FHIT: variants seen among roughly 807,000 people sequenced by gnomAD.
FHIT encodes bis(5'-adenosyl)-triphosphatase.
In FHIT, 19 loss-of-function variants were observed where a neutral mutation model predicts 17.9. That is an observed-to-expected ratio of 1.06 (90% CI 0.74 to 1.56). The LOEUF (loss-of-function observed/expected upper bound fraction) is 1.56. Among genes scored for constraint, FHIT ranks in the 40% most tolerant of loss-of-function variants. FHIT has a pLI of 0.00. For missense variants in FHIT, 248 were observed against 189.2 expected (o/e 1.31, Z -1.82); for synonymous variants, 81 against 69.7 (o/e 1.16, Z -0.81).
chr3:60,682,041 A>C (rs575737279), intron 4 of FHIT, among the ~76,000 whole-genome samples: 108 of 150,616 alleles, frequency 7.2e-4, no homozygotes, highest in Non-Finnish European at 1.4e-3. Context: ...GTGCGATCTC[A>C]GCTCACTGCA....
intron 7 of FHIT, among the ~76,000 whole-genome samples, chr3:59,986,710 A>ATATATAAATATATTTATATAAT (rs1491191610): frequency 4.3e-5 from 1 of 23,064 alleles, no homozygotes; most frequent in Non-Finnish European, 6.2e-5. Context: ...ATTTATATAA[A>ATATATAAATATATTTATATAAT]TATATACATA....
At chr3:61,203,261 A>C (rs2039090217) in intron 1 of FHIT, among the ~76,000 whole-genome samples, 1 of 151,896 alleles carries the variant, frequency 6.6e-6, no homozygotes, top group Non-Finnish European at 1.5e-5. Flanking sequence ...AGGCAGGAGA[A>C]TAGCTTGAAC....
chr3:60,629,810 C>T (rs1553681956), intron 4 of FHIT, among the ~76,000 whole-genome samples: 1 of 152,148 alleles, frequency 6.6e-6, no homozygotes, highest in African/African-American at 2.4e-5. Flanking sequence ...AGGCTACTTG[C>T]AGTCTTTGAA....
chr3:60,395,760 G>A (rs903642920), intron 5 of FHIT, among the ~76,000 whole-genome samples: 2 of 152,072 alleles, frequency 1.3e-5, no homozygotes, highest in Admixed American at 6.6e-5. Flanking sequence ...CAAGTGGCAG[G>A]GTTTCATTTG....
At chr3:60,498,347 AACTT>A (rs1361459516) in intron 5 of FHIT, among the ~76,000 whole-genome samples, 1 of 152,220 alleles carries the variant, frequency 6.6e-6, no homozygotes, top group African/African-American at 2.4e-5. Flanking sequence ...ATAGCATACT[AACTT>A]CTTTCTGGAA....
chr3:60,085,131 C>G (rs553482618), intron 5 of FHIT, among the ~76,000 whole-genome samples: 3 of 152,180 alleles, frequency 2.0e-5, no homozygotes, highest in Non-Finnish European at 4.4e-5. Context: ...CTTCCTCACA[C>G]ACTCAAAACA....
chr3:59,867,448 C>A (rs1702706123), intron 8 of FHIT, among the ~76,000 whole-genome samples: 1 of 152,036 alleles, frequency 6.6e-6, no homozygotes. Context: ...AATTGCTCCC[C>A]TTTTAAGATT....
intron 8 of FHIT, among the ~76,000 whole-genome samples, chr3:59,916,675 G>A (rs1387831125): frequency 2.0e-5 from 3 of 152,152 alleles, no homozygotes; most frequent in African/African-American, 4.8e-5. Flanking sequence ...GGGTAAACCA[G>A]ATGCTTACCC....
intron 7 of FHIT, among the ~76,000 whole-genome samples, chr3:59,928,760 G>A (rs1416318113): frequency 1.3e-5 from 2 of 152,138 alleles, no homozygotes; most frequent in African/African-American, 2.4e-5. Flanking sequence ...ACTTTGGGAG[G>A]CCAAGGCGGG....
chr3:60,634,466 A>G lies in FHIT; in HGVS notation c.-17-97487T>C, dbSNP rs144811797. Among the ~76,000 whole-genome samples the G allele has an allele frequency of 5.3e-5, 8 of 152,378 alleles. No homozygotes were observed. In the East Asian group the frequency reaches 1.3e-3, roughly 26 times the overall value. ...ATATTTCTGAGGCACATCAAAGGAC[A>G]GTAACAGCCCAGTGTTGGTAATCCC... On this transcript the variant is annotated intron_variant, in intron 4 of 9. Coordinates refer to ENST00000492590, the MANE Select transcript of FHIT (RefSeq NM_002012.4).
At chr3:60,195,741 T>C (rs1221761768) in intron 5 of FHIT, among the ~76,000 whole-genome samples, 2 of 151,308 alleles carry the variant, frequency 1.3e-5, no homozygotes, top group Non-Finnish European at 2.9e-5. Flanking sequence ...TTCATGGAAC[T>C]GGAGGCCATT....
At chr3:60,934,113 A>T (rs1553772528) in intron 3 of FHIT, among the ~76,000 whole-genome samples, 1 of 152,168 alleles carries the variant, frequency 6.6e-6, no homozygotes, top group Non-Finnish European at 1.5e-5. Context: ...ACCTATTGAG[A>T]GGAATCTTGA....
At chr3:60,167,805 C>T (rs1701243189) in intron 5 of FHIT, among the ~76,000 whole-genome samples, 1 of 152,136 alleles carries the variant, frequency 6.6e-6, no homozygotes. Context: ...GAGGCTAAGG[C>T]AGATCAGTTG....
chr3:60,603,754 C>T (rs1287915340), intron 4 of FHIT, among the ~76,000 whole-genome samples: 4 of 152,066 alleles, frequency 2.6e-5, no homozygotes, highest in Non-Finnish European at 5.9e-5. Flanking sequence ...TTGCAAAGTA[C>T]ACTAGAAGTG....
chr3:60,505,347 C>G (rs1490558397), intron 5 of FHIT, among the ~76,000 whole-genome samples: 1 of 152,104 alleles, frequency 6.6e-6, no homozygotes, highest in Non-Finnish European at 1.5e-5. Context: ...CTTCCATACC[C>G]CTAGGCTTCT....
intron 5 of FHIT, among the ~76,000 whole-genome samples, chr3:60,327,980 TG>T (rs1709780777): frequency 6.6e-6 from 1 of 152,184 alleles, no homozygotes; most frequent in Non-Finnish European, 1.5e-5. Flanking sequence ...CCCAGAGCCC[TG>T]TGAGAGCTAA....
intron 5 of FHIT, among the ~76,000 whole-genome samples, chr3:60,149,541 T>C (rs1700372902): frequency 6.6e-6 from 1 of 152,108 alleles, no homozygotes; most frequent in South Asian, 2.1e-4. Flanking sequence ...AGCTCCATGG[T>C]ATCTGGAAGA....
At chr3:60,139,922 G>C (rs772399529) in intron 5 of FHIT, among the ~76,000 whole-genome samples, 10 of 152,006 alleles carry the variant, frequency 6.6e-5, no homozygotes, top group East Asian at 3.9e-4. Flanking sequence ...AGGAGTTCAC[G>C]ACCAGCCTGG....
At chr3:61,047,204 G>T (rs111364102) in intron 2 of FHIT, among the ~76,000 whole-genome samples, 31 of 152,164 alleles carry the variant, frequency 2.0e-4, no homozygotes, top group African/African-American at 7.5e-4. Context: ...GCTGTTGGCA[G>T]ATGACATGAT....
Sources: allele counts gnomAD v4.1 joint callset (sites outside exome capture counted in the v4.1 genomes callset), GRCh38; gene constraint gnomAD v4.1.1; transcripts MANE v1.5; gene names NCBI Gene and HGNC (gene_info 2026-07-23, HGNC 2026-07-21).